Variants in SORCS2 observed in about 807,000 individuals in gnomAD.
The protein encoded by SORCS2 is sortilin related VPS10 domain containing receptor 2.
In SORCS2, 100 loss-of-function variants were observed where a neutral mutation model predicts 141.6. The ratio of observed to expected loss-of-function variants is 0.71; its 90% CI spans 0.60 to 0.83. The LOEUF (loss-of-function observed/expected upper bound fraction) is 0.83. Ranked by LOEUF, SORCS2 falls within the 40% of genes least tolerant of loss-of-function variation. The pLI, the probability that SORCS2 is intolerant of heterozygous loss-of-function variation, is 0.00. For synonymous variants in SORCS2, 789 were observed against 676.9 expected (o/e 1.17, Z -2.57); for missense variants, 1,646 against 1,560.2 (o/e 1.05, Z -0.93).
At chr4:7,637,084 C>T (rs1277281350) in intron 3 of SORCS2, among the ~76,000 whole-genome samples, 2 of 152,222 alleles carry the variant, frequency 1.3e-5, no homozygotes, top group Admixed American at 6.5e-5. Flanking sequence ...AATTTACGGT[C>T]TACCCTAAAT....
rs559152872 is a variant in SORCS2 at position 7,638,707 on chromosome 4, A to T, written c.813+215A>T. 7.9e-5 allele frequency among the ~76,000 whole-genome samples: 12 copies of T among 152,204 alleles called. 1 individual carries two copies. In the South Asian group the frequency reaches 2.5e-3, roughly 32 times the overall value. ...CGTGCCCACTTGGCTGTGCTGTGGGAGCTGAGCGAGGTGGTGGTGGGCAGT... is the reference window on the plus strand; with the variant it reads ...CGTGCCCACTTGGCTGTGCTGTGGGTGCTGAGCGAGGTGGTGGTGGGCAGT... On this transcript the variant is annotated intron_variant, in intron 4 of 26. Coordinates refer to ENST00000507866, the MANE Select transcript of SORCS2 (RefSeq NM_020777.3).
intron 2 of SORCS2, among the ~76,000 whole-genome samples, chr4:7,403,997 A>ATATATATATATATATAT (rs1265288820): frequency 1.9e-3 from 36 of 18,878 alleles, no homozygotes; most frequent in Non-Finnish European, 3.1e-3. Flanking sequence ...ATATATATAT[A>ATATATATATATATATAT]TTTTTTTTTT....
chr4:7,361,235 A>G (rs995938557), intron 1 of SORCS2, among the ~76,000 whole-genome samples: 1 of 152,176 alleles, frequency 6.6e-6, no homozygotes, highest in Non-Finnish European at 1.5e-5. Context: ...TTTTTCAATG[A>G]TGATTGTGTA....
intron 2 of SORCS2, among the ~76,000 whole-genome samples, chr4:7,494,461 G>GCA (rs532671130): frequency 8.9e-4 from 136 of 152,280 alleles, no homozygotes; most frequent in African/African-American, 3.1e-3. Flanking sequence ...GTTCTGGTGT[G>GCA]GGCCTCTTCC....
Position 7,500,979 on chromosome 4 carries a change from C to T in SORCS2, c.549-30551C>T, listed in dbSNP as rs539466104. Among the ~76,000 whole-genome samples the T allele has an allele frequency of 1.7e-4, 26 of 152,336 alleles. 1 individual carries two copies. The highest frequency in any genetic ancestry group is 2.6e-4 in the Admixed American group (4 of 15,312). ...TCCCAGGGAGCTCGGCTCAAGCCAG[C>T]GTGGATCCAGCTCCACCCCACGTGC... On this transcript the variant is annotated intron_variant, in intron 2 of 26. Transcript: ENST00000507866.
In SORCS2 at chr4:7,740,186, C is replaced by T. The variant is rs184939768; in HGVS notation, c.3416-14C>T. 3 of 1,604,512 alleles carry T rather than the reference C, an allele frequency of 1.9e-6. No homozygotes were observed. Among genetic ancestry groups the T allele is most frequent in the Admixed American group, 1.7e-5 (1 of 59,568 alleles). Reference sequence around the variant, plus strand: ...GCTTGTGCTCACGGGACCTGCGTCTCTTCTGTTTCCTAGGCAACCACTCAG... The same window carrying T: ...GCTTGTGCTCACGGGACCTGCGTCTTTTCTGTTTCCTAGGCAACCACTCAG... On this transcript the variant is annotated splice_polypyrimidine_tract_variant and intron_variant, in intron 26 of 26. Transcript: ENST00000507866.
Position 7,343,252 on chromosome 4 carries a change from G to A in SORCS2, c.481-53036G>A, listed in dbSNP as rs147899263. On this transcript the variant is annotated intron_variant, in intron 1 of 26. Transcript: ENST00000507866. Reference sequence around the variant, plus strand: ...GAGTCACAAGGGCCCATACCACATCGTTGCTGGGGCCTCCTGCATTTGGGT... The same window carrying A: ...GAGTCACAAGGGCCCATACCACATCATTGCTGGGGCCTCCTGCATTTGGGT... Among the ~76,000 whole-genome samples, 49 of 152,346 alleles carry A rather than the reference G, an allele frequency of 3.2e-4. No homozygotes were observed. The Middle Eastern group carries it at 0.017, about 53-fold the overall frequency.
rs56832562 is a variant in SORCS2 at position 7,235,677 on chromosome 4, C to T, written c.480+42551C>T. Among the ~76,000 whole-genome samples, 904 of 152,256 alleles carry T rather than the reference C, an allele frequency of 5.9e-3. 5 individuals are homozygous for T. The highest frequency in any genetic ancestry group is 0.021 in the African/African-American group (859 of 41,522). ...GGCCCATTCTGGCTGTTTGTGTGGC[C>T]GTTGAGAGGCCAGGCCTTGATTGTC... On this transcript the variant is annotated intron_variant, in intron 1 of 26. Transcript: ENST00000507866.
chr4:7,676,824 T>TCTCTCTCTCTCCCC (rs765132758), intron 9 of SORCS2, among the ~76,000 whole-genome samples: 10 of 49,100 alleles, frequency 2.0e-4, no homozygotes, highest in African/African-American at 8.8e-4. Flanking sequence ...TCTCTCTCTC[T>TCTCTCTCTCTCCCC]CTCTCCCTCT....
At chr4:7,584,636 A>G (rs1716410363) in intron 3 of SORCS2, among the ~76,000 whole-genome samples, 1 of 152,182 alleles carries the variant, frequency 6.6e-6, no homozygotes, top group Non-Finnish European at 1.5e-5. Flanking sequence ...ACAGTAGATA[A>G]ACACATGCAG....
At chr4:7,610,883 C>T (rs573105501) in intron 3 of SORCS2, among the ~76,000 whole-genome samples, 2 of 152,126 alleles carry the variant, frequency 1.3e-5, no homozygotes, top group Non-Finnish European at 2.9e-5. Context: ...GATTTCCAAG[C>T]AGGGGCTCCC....
chr4:7,450,596 C>T (rs1009769492), intron 2 of SORCS2, among the ~76,000 whole-genome samples: 3 of 152,238 alleles, frequency 2.0e-5, no homozygotes. Flanking sequence ...CTCTCACACA[C>T]ATATGTTCCC....
intron 3 of SORCS2, among the ~76,000 whole-genome samples, chr4:7,605,189 C>T (rs1469844181): frequency 6.6e-6 from 1 of 152,178 alleles, no homozygotes; most frequent in Non-Finnish European, 1.5e-5. Flanking sequence ...GCAGCTGTGC[C>T]AGCCATTGTC....
intron 2 of SORCS2, among the ~76,000 whole-genome samples, chr4:7,459,392 C>T (rs973524345): frequency 2.6e-5 from 4 of 152,138 alleles, no homozygotes; most frequent in African/African-American, 9.7e-5. Context: ...GTTGAGGCTG[C>T]AGGCTTGAGC....
chr4:7,563,235 G>A (rs1714731440), intron 3 of SORCS2, among the ~76,000 whole-genome samples: 1 of 152,042 alleles, frequency 6.6e-6, no homozygotes, highest in South Asian at 2.1e-4. Flanking sequence ...CCTTTGTTGA[G>A]GGACTCTTCA....
intron 3 of SORCS2, among the ~76,000 whole-genome samples, chr4:7,619,482 C>G (rs1299997451): frequency 6.6e-6 from 1 of 152,172 alleles, no homozygotes; most frequent in Non-Finnish European, 1.5e-5. Context: ...GCCCACTCCA[C>G]CTCTTCAGTC....
intron 22 of SORCS2, among the ~76,000 whole-genome samples, chr4:7,728,894 G>T (rs1215178155): frequency 6.6e-6 from 1 of 152,190 alleles, no homozygotes; most frequent in Admixed American, 6.5e-5. Context: ...AGACATCAGG[G>T]CGGGCTGTAG....
chr4:7,714,860 G>A (rs553892023), intron 16 of SORCS2, among the ~76,000 whole-genome samples: 67 of 152,112 alleles, frequency 4.4e-4, no homozygotes, highest in Non-Finnish European at 8.2e-4. Context: ...ACCTGTACTG[G>A]TGCTGCTCAG....
chr4:7,647,041 A>G (rs1721128815), intron 4 of SORCS2, among the ~76,000 whole-genome samples: 1 of 152,072 alleles, frequency 6.6e-6, no homozygotes, highest in Non-Finnish European at 1.5e-5. Flanking sequence ...ACCTGTGGAG[A>G]TGTGGAGCTG....
Sources: allele counts gnomAD v4.1 joint callset (sites outside exome capture counted in the v4.1 genomes callset), GRCh38; gene constraint gnomAD v4.1.1; transcripts MANE v1.5; gene names NCBI Gene and HGNC (gene_info 2026-07-23, HGNC 2026-07-21).